Variants in VAMP7 observed in about 807,000 individuals in gnomAD.
VAMP7 encodes vesicle associated membrane protein 7, also known as vesicle-associated membrane protein 7.
In VAMP7, 14 loss-of-function variants were observed where a neutral mutation model predicts 29.6. The ratio of observed to expected loss-of-function variants is 0.47; its 90% confidence interval spans 0.31 to 0.74. The LOEUF (loss-of-function observed/expected upper bound fraction) is 0.74. Among genes scored for constraint, VAMP7 ranks in the 30% least tolerant of loss-of-function variants. The pLI, the probability that VAMP7 is intolerant of heterozygous loss-of-function variation, is 0.05. For missense variants in VAMP7, 223 were observed against 262.4 expected, an observed-to-expected ratio of 0.85 and a Z score of 1.04; for synonymous variants, 95 against 88.1, an observed-to-expected ratio of 1.08 and a Z score of -0.44.
At chrX:155,894,677 G>A (rs1331759779) in intron 2 of VAMP7, among the ~76,000 whole-genome samples, 7 of 151,864 alleles carry the variant, frequency 4.6e-5, no homozygotes, top group African/African-American at 7.3e-5. Context: ...GTGCAGTGGC[G>A]CAATCTCAGC....
At chrX:155,885,087 T>G (rs2065849758) in intron 1 of VAMP7, among the ~76,000 whole-genome samples, 1 of 152,216 alleles carries the variant, frequency 6.6e-6, no homozygotes, top group Non-Finnish European at 1.5e-5. Flanking sequence ...TCGAAGACCT[T>G]CCCCACAATT....
chrX:155,906,094 T>G (rs2066142683), intron 5 of VAMP7, among the ~76,000 whole-genome samples: 1 of 152,158 alleles, frequency 6.6e-6, no homozygotes, highest in South Asian at 2.1e-4. Context: ...TGTGCAAGTC[T>G]TACATGACAA....
chrX:155,906,814 C>T (rs1360992200), intron 5 of VAMP7, among the ~76,000 whole-genome samples: 1 of 151,942 alleles, frequency 6.6e-6, no homozygotes, highest in Non-Finnish European at 1.5e-5. Context: ...CTTTTTATTG[C>T]TTATTTGCCC....
intron 3 of VAMP7, 133 bp from the exon 4 acceptor site, chrX:155,897,979 T>C: frequency 1.8e-6 from 2 of 1,139,764 alleles, no homozygotes; most frequent in Non-Finnish European, 2.4e-6. Context: ...ATCTTTAAGA[T>C]AGGATCAATG....
At position 155,939,688 on chromosome X, in the gene VAMP7, G is replaced by T. The variant is rs745470097; in HGVS notation, c.502-13G>T. On this transcript the variant is annotated splice_polypyrimidine_tract_variant and intron_variant, in intron 6 of 7. Coordinates refer to ENST00000286448, the MANE Select transcript of VAMP7 (RefSeq NM_005638.6). ...CAGTGCCAGGGGTTAAACAATTCTC[G>T]CCTCTTTTCTAGTCTGTCACCTTCA... 1.9e-6 allele frequency: 3 copies of T among 1,605,128 alleles called. No homozygotes were observed. The highest frequency in any genetic ancestry group is 2.6e-6 in the Non-Finnish European group (3 of 1,172,124).
chrX:155,887,453 T>G (rs965771895), intron 1 of VAMP7, among the ~76,000 whole-genome samples: 3 of 152,108 alleles, frequency 2.0e-5, no homozygotes, highest in African/African-American at 7.2e-5. Context: ...GTGTTGACTG[T>G]GCCTAAGAGG....
At chrX:155,938,923 G>T (rs1004463807) in intron 6 of VAMP7, among the ~76,000 whole-genome samples, 7 of 152,220 alleles carry the variant, frequency 4.6e-5, no homozygotes, top group Non-Finnish European at 8.8e-5. Context: ...TGTAGTAGTA[G>T]ATTGTGAATT....
chrX:155,899,257 C>T (rs2066027558), intron 4 of VAMP7, among the ~76,000 whole-genome samples: 1 of 151,424 alleles, frequency 6.6e-6, no homozygotes, highest in Admixed American at 6.6e-5. Flanking sequence ...ATATTCTCAC[C>T]AGCAGTTCCA....
intron 6 of VAMP7, among the ~76,000 whole-genome samples, chrX:155,932,000 C>T (rs750297550): frequency 6.6e-6 from 1 of 152,206 alleles, no homozygotes; most frequent in South Asian, 2.1e-4. Context: ...TCAGGTTTGT[C>T]AAAGATGACA....
chrX:155,898,033 T>C, intron 3 of VAMP7, 79 bp from the exon 4 acceptor site: 1 of 1,537,114 alleles, frequency 6.5e-7, no homozygotes, highest in Non-Finnish European at 8.8e-7. Flanking sequence ...ATGTTAGCTG[T>C]TTTTTATTGT....
At chrX:155,898,893 A>T (rs2066022915) in intron 4 of VAMP7, among the ~76,000 whole-genome samples, 1 of 152,126 alleles carries the variant, frequency 6.6e-6, no homozygotes. Flanking sequence ...AAATGGAATC[A>T]TACAGTATGT....
At chrX:155,905,624 A>G (rs1159115954) in intron 5 of VAMP7, among the ~76,000 whole-genome samples, 2 of 152,162 alleles carry the variant, frequency 1.3e-5, no homozygotes, top group African/African-American at 4.8e-5. Context: ...TTGAATATGT[A>G]TATACAGTTG....
intron 6 of VAMP7, among the ~76,000 whole-genome samples, 170 bp downstream of exon 6, chrX:155,920,050 A>C (rs1390063112): frequency 6.6e-6 from 1 of 152,188 alleles, no homozygotes; most frequent in Non-Finnish European, 1.5e-5. Context: ...TGAGGCATAG[A>C]AAAGAAACAT....
chrX:155,896,428 T>TTA (rs1417545451), intron 3 of VAMP7, among the ~76,000 whole-genome samples: 2 of 152,190 alleles, frequency 1.3e-5, no homozygotes, highest in African/African-American at 2.4e-5. Context: ...TTACAATACA[T>TTA]TATGATCAGC....
At chrX:155,929,678 C>T (rs1191032308) in intron 6 of VAMP7, among the ~76,000 whole-genome samples, 2 of 152,036 alleles carry the variant, frequency 1.3e-5, no homozygotes, top group African/African-American at 2.4e-5. Flanking sequence ...ATTCTTGTCC[C>T]GTGTTGGATG....
intron 6 of VAMP7, among the ~76,000 whole-genome samples, chrX:155,932,824 T>G (rs1342733939): frequency 6.6e-6 from 1 of 152,192 alleles, no homozygotes; most frequent in Non-Finnish European, 1.5e-5. Flanking sequence ...GCCCATTCAG[T>G]ATGATATTGG....
intron 5 of VAMP7, among the ~76,000 whole-genome samples, chrX:155,908,942 C>G (rs2066192861): frequency 6.6e-6 from 1 of 151,980 alleles, no homozygotes; most frequent in Non-Finnish European, 1.5e-5. Flanking sequence ...ACCTCAGCCT[C>G]CCAAGCAGCT....
intron 7 of VAMP7, among the ~76,000 whole-genome samples, chrX:155,941,359 G>A (rs2066740878): frequency 6.6e-6 from 1 of 151,890 alleles, no homozygotes; most frequent in African/African-American, 2.4e-5. Context: ...CATTGTTTTG[G>A]TCATCGTAAT....
At chrX:155,883,441 C>A (rs1013558985) in intron 1 of VAMP7, among the ~76,000 whole-genome samples, 1 of 152,128 alleles carries the variant, frequency 6.6e-6, no homozygotes, top group Non-Finnish European at 1.5e-5. Context: ...ATTTAATAAT[C>A]TGCTCATGAT....
Sources: gnomAD v4.1 joint callset for allele counts (sites outside exome capture counted in the v4.1 genomes callset) on GRCh38, gnomAD v4.1.1 for gene constraint, MANE v1.5 for transcripts, NCBI Gene and HGNC (gene_info 2026-07-23, HGNC 2026-07-21) for gene names.